Variants in GRIK1 observed in about 807,000 individuals in gnomAD.
GRIK1 encodes glutamate receptor ionotropic, kainate 1.
GRIK1 carries 69 observed loss-of-function variants against 105.7 expected under a neutral mutation model. The ratio of observed to expected loss-of-function variants is 0.65; its 90% CI spans 0.54 to 0.80. GRIK1 has a LOEUF of 0.80. Ranked by LOEUF, GRIK1 falls within the 30% of genes least tolerant of loss-of-function variation. The pLI is 0.00. For synonymous variants in GRIK1, 438 were observed against 431.3 expected (o/e 1.02, Z -0.19); for missense variants, 1,109 against 1,167.3 (o/e 0.95, Z 0.73).
rs529765002 is a variant in GRIK1 at position 29,715,291 on chromosome 21, G to A, written c.119-21228C>T. Among the ~76,000 whole-genome samples, 3 of 152,230 alleles carry A rather than the reference G, an allele frequency of 2.0e-5. No homozygotes were observed. The South Asian group carries it at 6.2e-4, about 32-fold the overall frequency. ...CTGATGAGTTAGCAGTTTCCCCTAGGACTATCATAATCTGCTGACGCAAGG... is the reference window on the plus strand; with the variant it reads ...CTGATGAGTTAGCAGTTTCCCCTAGAACTATCATAATCTGCTGACGCAAGG... On this transcript the variant is annotated intron_variant, in intron 1 of 17. Transcript: ENST00000327783.
chr21:29,920,549 C>T (rs8131326), intron 1 of GRIK1, among the ~76,000 whole-genome samples: 2 of 152,076 alleles, frequency 1.3e-5, no homozygotes, highest in African/African-American at 4.8e-5. Flanking sequence ...GAACCATGAC[C>T]CTCTCATTAA....
At chr21:29,606,594 A>G (rs2061621134) in intron 7 of GRIK1, among the ~76,000 whole-genome samples, 1 of 152,140 alleles carries the variant, frequency 6.6e-6, no homozygotes, top group Admixed American at 6.6e-5. Context: ...TGGTCCTACG[A>G]TGGTGCCCAA....
intron 14 of GRIK1, among the ~76,000 whole-genome samples, chr21:29,576,414 G>C (rs931920308): frequency 3.9e-5 from 6 of 152,164 alleles, no homozygotes; most frequent in Non-Finnish European, 8.8e-5. Flanking sequence ...TGGGAACACT[G>C]TCCTTCATCA....
intron 16 of GRIK1, among the ~76,000 whole-genome samples, chr21:29,546,166 C>T (rs1449541413): frequency 6.6e-6 from 1 of 152,214 alleles, no homozygotes; most frequent in African/African-American, 2.4e-5. Flanking sequence ...CACATCCACA[C>T]ACCCTGTGTC....
intron 1 of GRIK1, among the ~76,000 whole-genome samples, chr21:29,795,432 A>G (rs891075788): frequency 6.6e-6 from 1 of 152,074 alleles, no homozygotes; most frequent in Admixed American, 6.5e-5. Flanking sequence ...CCTTTGAGCT[A>G]TCCTTGCTGC....
chr21:29,621,885 T>C (rs1254822152), intron 7 of GRIK1, among the ~76,000 whole-genome samples: 1 of 152,150 alleles, frequency 6.6e-6, no homozygotes, highest in African/African-American at 2.4e-5. Flanking sequence ...TCCTTAAATT[T>C]GTAGGCAAAT....
intron 7 of GRIK1, among the ~76,000 whole-genome samples, 191 bp from the exon 8 acceptor site, chr21:29,599,128 C>T (rs1411930109): frequency 1.3e-5 from 2 of 152,216 alleles, no homozygotes; most frequent in Non-Finnish European, 2.9e-5. Flanking sequence ...CTCATTTATT[C>T]TGTCAATTCT....
chr21:29,555,863 A>G (rs2090240574), intron 15 of GRIK1, among the ~76,000 whole-genome samples: 1 of 152,194 alleles, frequency 6.6e-6, no homozygotes. Flanking sequence ...CTATGCTCCA[A>G]CTGCTACAAG....
chr21:29,740,376 C>T (rs926017969), intron 1 of GRIK1, among the ~76,000 whole-genome samples: 3 of 152,132 alleles, frequency 2.0e-5, no homozygotes, highest in Non-Finnish European at 4.4e-5. Context: ...TGCCACCACA[C>T]CCAACTAATT....
In GRIK1 at chr21:29,555,292, G is replaced by T; in HGVS notation, c.2367C>A (p.Tyr789Ter). The change falls in exon 16 of 18, where the codon TAC becomes TAA. Residue 789 changes from tyrosine to a stop codon, truncating the protein, a stop_gained. Transcript: ENST00000327783. LOFTEE classifies it high-confidence loss of function. ...GAATAGCAATAGTAATTTTATCCCGGTAAGGAGAACCTGGAAGTAAAACCA... is the reference window on the plus strand; with the variant it reads ...GAATAGCAATAGTAATTTTATCCCGTTAAGGAGAACCTGGAAGTAAAACCA... ...YGVGTPIGSP[Y>*]RDKITIAILQ... The T allele has an allele frequency of 6.2e-7, 1 of 1,612,964 alleles. No individual in the cohort carries two copies. The highest frequency in any genetic ancestry group is 8.5e-7 in the Non-Finnish European group (1 of 1,179,392).
At chr21:29,706,445 A>G (rs1260442364) in intron 1 of GRIK1, among the ~76,000 whole-genome samples, 1 of 152,200 alleles carries the variant, frequency 6.6e-6, no homozygotes, top group African/African-American at 2.4e-5. Context: ...ACTATTGTTC[A>G]TAAGTTACCC....
intron 4 of GRIK1, among the ~76,000 whole-genome samples, chr21:29,669,189 C>T (rs180768675): frequency 2.6e-5 from 4 of 152,270 alleles, no homozygotes; most frequent in Admixed American, 1.3e-4. Context: ...GAGTAATTAG[C>T]ATGCCCAAGA....
chr21:29,662,506 A>G (rs2062984682), intron 4 of GRIK1, among the ~76,000 whole-genome samples: 1 of 152,206 alleles, frequency 6.6e-6, no homozygotes, highest in Non-Finnish European at 1.5e-5. Context: ...AGGTAACAGA[A>G]TATTTTGAAT....
chr21:29,553,483 A>G, intron 16 of GRIK1: 1 of 1,471,488 alleles, frequency 6.8e-7, no homozygotes, highest in Non-Finnish European at 8.9e-7. Context: ...CTTAGCAAAT[A>G]CAAATATCAA....
chr21:29,560,400 CCTTTCTTT>C lies in GRIK1; in HGVS notation c.2356+1216_2356+1223del, dbSNP rs1167564962. On this transcript the variant is annotated intron_variant, in intron 15 of 17. Coordinates refer to ENST00000327783, the MANE Select transcript of GRIK1 (RefSeq NM_001330994.2). ...TCCTTCCTTCCTTCCTTCCTTCCTT[CCTTTCTTT>C]CTTTCTTTCTTTCTTTCTTTCTTTC... 3.7e-4 allele frequency among the ~76,000 whole-genome samples: 25 copies of C among 67,120 alleles called. 1 individual carries two copies. The highest frequency in any genetic ancestry group is 1.9e-3 in the African/African-American group (21 of 10,778). The allele number at this position is 67,120 out of a possible 152,430, so 44.0% of individuals were successfully genotyped here.
chr21:29,676,799 C>CA (rs2063276627), intron 3 of GRIK1, among the ~76,000 whole-genome samples: 1 of 152,072 alleles, frequency 6.6e-6, no homozygotes, highest in Non-Finnish European at 1.5e-5. Flanking sequence ...ATGTCAATGT[C>CA]ATATATGGCA....
chr21:29,786,647 T>C (rs1329154867), intron 1 of GRIK1, among the ~76,000 whole-genome samples: 1 of 152,176 alleles, frequency 6.6e-6, no homozygotes, highest in Non-Finnish European at 1.5e-5. Context: ...CCACAGTTAA[T>C]AAATTTCCTG....
intron 1 of GRIK1, among the ~76,000 whole-genome samples, chr21:29,928,908 T>C (rs185334985): frequency 2.3e-3 from 357 of 152,258 alleles, no homozygotes; most frequent in Admixed American, 4.1e-3. Flanking sequence ...AATTTACATT[T>C]GAAATAGAAA....
chr21:29,771,849 C>T (rs1434978618), intron 1 of GRIK1, among the ~76,000 whole-genome samples: 1 of 152,194 alleles, frequency 6.6e-6, no homozygotes, highest in Non-Finnish European at 1.5e-5. Flanking sequence ...GGGAGCTCCT[C>T]CCACTCCTAT....
Sources: allele counts gnomAD v4.1 joint callset (sites outside exome capture counted in the v4.1 genomes callset), GRCh38; gene constraint gnomAD v4.1.1; transcripts MANE v1.5; gene names NCBI Gene and HGNC (gene_info 2026-07-23, HGNC 2026-07-21).